Variants in AOAH observed in about 807,000 individuals in gnomAD.
AOAH encodes the protein acyloxyacyl hydrolase (neutrophil).
AOAH carries 64 observed loss-of-function variants against 92.2 expected under a neutral mutation model. The observed-to-expected ratio is 0.69, with a 90% CI of 0.57 to 0.86. The LOEUF (loss-of-function observed/expected upper bound fraction) is 0.86. Among genes scored for constraint, AOAH ranks in the 40% least tolerant of loss-of-function variants. AOAH has a pLI of 0.00. For missense variants in AOAH, 656 were observed against 694.6 expected (o/e 0.94, Z 0.62); for synonymous variants, 263 against 254.5 (o/e 1.03, Z -0.32).
chr7:36,688,482 CTAAA>C (rs1431321811), intron 1 of AOAH, among the ~76,000 whole-genome samples: 2 of 151,794 alleles, frequency 1.3e-5, no homozygotes, highest in African/African-American at 2.4e-5. Flanking sequence ...TATTAGAGAG[CTAAA>C]TAAATTTTAA....
chr7:36,641,612 AG>A (rs1343499985), intron 4 of AOAH, among the ~76,000 whole-genome samples: 3 of 152,144 alleles, frequency 2.0e-5, no homozygotes, highest in African/African-American at 7.2e-5. Context: ...TTCCTCCTGA[AG>A]CCTTCTCAGC....
rs182099541 is a variant in AOAH at position 36,580,850 on chromosome 7, A to T, written c.939-4194T>A. ...GGCTGTTCAGATTCCCCAGGGAAGG[A>T]TCTTCTAGTCTGCAGCCAGGAGAGT... On this transcript the variant is annotated intron_variant, in intron 12 of 20. Transcript: ENST00000617537. Among the ~76,000 whole-genome samples, 453 of 152,208 alleles carry T rather than the reference A, an allele frequency of 3.0e-3. 1 individual carries two copies. The highest frequency in any genetic ancestry group is 0.01 in the African/African-American group (431 of 41,530).
chr7:36,561,546 C>G (rs867682422), intron 13 of AOAH, among the ~76,000 whole-genome samples: 9 of 152,134 alleles, frequency 5.9e-5, no homozygotes, highest in African/African-American at 1.9e-4. Flanking sequence ...AGCCCCCATG[C>G]GCTGTGTTGA....
Position 36,616,453 on chromosome 7 carries a change from A to C in AOAH, c.773T>G (p.Ile258Ser). ...FCEGSQPRGI[I>S]LLGDSAGAHF... Reference sequence around the variant, plus strand: ...AGCCCCAGCTGAGTCTCCCAGCAAAATGATTCCCCTGGGCTGTGAACCTAG... The same window carrying C: ...AGCCCCAGCTGAGTCTCCCAGCAAACTGATTCCCCTGGGCTGTGAACCTAG... Residue 258 changes from isoleucine to serine, a missense_variant, in exon 11 of 21, where the codon ATT becomes AGT. Coordinates refer to ENST00000617537, the MANE Select transcript of AOAH (RefSeq NM_001637.4). 9.3e-6 allele frequency: 15 copies of C among 1,614,118 alleles called. No homozygotes were observed. The highest frequency in any genetic ancestry group is 1.3e-5 in the Non-Finnish European group (15 of 1,179,968).
intron 1 of AOAH, among the ~76,000 whole-genome samples, chr7:36,704,140 T>C (rs1337525600): frequency 1.3e-5 from 2 of 152,192 alleles, no homozygotes; most frequent in Non-Finnish European, 2.9e-5. Flanking sequence ...GTTGGCCGCA[T>C]AAATGTCTTC....
At chr7:36,556,015 C>T (rs1786677917) in intron 13 of AOAH, among the ~76,000 whole-genome samples, 1 of 151,956 alleles carries the variant, frequency 6.6e-6, no homozygotes, top group African/African-American at 2.4e-5. Flanking sequence ...TTATTTCTTG[C>T]CTTCTGCTAG....
intron 11 of AOAH, among the ~76,000 whole-genome samples, chr7:36,612,666 G>C (rs1791547115): frequency 6.6e-6 from 1 of 152,160 alleles, no homozygotes. Flanking sequence ...TTGCCTTTCA[G>C]AGAAGTTCTA....
rs1229774827 is a variant in AOAH, at chr7:36,714,507, T to A, written c.127+9515A>T. Among the ~76,000 whole-genome samples the A allele has an allele frequency of 3.9e-5, 6 of 152,264 alleles. No homozygotes were observed. In the East Asian group the frequency reaches 9.6e-4, roughly 24 times the overall value. Reference sequence around the variant, plus strand: ...CCAGCATCATCCTGATACCAAAGCCTGGCAGAGACACAACCAAAAAAGAGA... The same window carrying A: ...CCAGCATCATCCTGATACCAAAGCCAGGCAGAGACACAACCAAAAAAGAGA... On this transcript the variant is annotated intron_variant, in intron 1 of 20. Coordinates refer to ENST00000617537, the MANE Select transcript of AOAH (RefSeq NM_001637.4).
chr7:36,555,345 A>G (rs371153988), intron 13 of AOAH, among the ~76,000 whole-genome samples: 4 of 152,158 alleles, frequency 2.6e-5, no homozygotes, highest in African/African-American at 4.8e-5. Context: ...CCACTTGATC[A>G]TGGTGGATAA....
intron 15 of AOAH, 22 bp from the exon 16 acceptor site, chr7:36,540,513 A>G (rs1312964719): frequency 5.0e-6 from 8 of 1,596,198 alleles, no homozygotes; most frequent in Non-Finnish European, 6.8e-6. Context: ...ATAAACAGAA[A>G]ATATCTTGGT....
chr7:36,700,031 C>T (rs1009810917), intron 1 of AOAH, among the ~76,000 whole-genome samples: 3 of 151,928 alleles, frequency 2.0e-5, no homozygotes, highest in Admixed American at 6.6e-5. Flanking sequence ...CCAGTTTTCT[C>T]GTAACACATA....
intron 11 of AOAH, among the ~76,000 whole-genome samples, chr7:36,602,443 GTTT>G (rs535476519): frequency 7.9e-6 from 1 of 127,112 alleles, no homozygotes. Context: ...TCCTTCCATT[GTTT>G]TTTTTTTTTT....
intron 12 of AOAH, among the ~76,000 whole-genome samples, chr7:36,593,143 C>T (rs1056603444): frequency 1.3e-5 from 2 of 152,194 alleles, no homozygotes; most frequent in African/African-American, 4.8e-5. Context: ...AGTATATCTT[C>T]CTTGCATTAC....
Position 36,724,047 on chromosome 7 carries a change from G to T in AOAH, c.102C>A (p.Ser34Arg). 1 of 1,613,594 alleles carries T rather than the reference G, an allele frequency of 6.2e-7. No individual in the cohort carries two copies. The change falls in exon 1 of 21, where the codon AGC becomes AGA. Residue 34 changes from serine to arginine, a missense_variant. Coordinates refer to ENST00000617537, the MANE Select transcript of AOAH (RefSeq NM_001637.4). Reference protein sequence around the residue: ...SPANDDQSRPSLSNGHTCVGC... With the variant: ...SPANDDQSRPRLSNGHTCVGC... ...CTACACAGGTGTGCCCATTCGAGAG[G>T]CTGGGCCTGGACTGGTCATCGTTGG...
At chr7:36,543,947 C>CTTTCTTTTTTTTTTTTTTTTTTTTTTTTT (rs55745823) in intron 15 of AOAH, among the ~76,000 whole-genome samples, 4 of 91,008 alleles carry the variant, frequency 4.4e-5, no homozygotes, top group Non-Finnish European at 7.9e-5. Flanking sequence ...TTCTTTCTTT[C>CTTTCTTTTTTTTTTTTTTTTTTTTTTTTT]TTTTTTTTTT....
In AOAH at chr7:36,572,636, C is replaced by T. The variant is rs187629730; in HGVS notation, c.1021+3938G>A. ...AATTAGCGACACTGTGTCAGTGGTA[C>T]CCTGATGCTGGACATTTATGAAGCC... On this transcript the variant is annotated intron_variant, in intron 13 of 20. Coordinates refer to ENST00000617537, the MANE Select transcript of AOAH (RefSeq NM_001637.4). Among the ~76,000 whole-genome samples, 8 of 152,224 alleles carry T rather than the reference C, an allele frequency of 5.3e-5. No homozygotes were observed. The East Asian group carries it at 1.5e-3, about 29-fold the overall frequency.
intron 3 of AOAH, among the ~76,000 whole-genome samples, chr7:36,663,171 C>T (rs1237946942): frequency 6.6e-6 from 1 of 152,108 alleles, no homozygotes; most frequent in Non-Finnish European, 1.5e-5. Context: ...TTCTTTTGAG[C>T]AGTTTTAGGT....
At chr7:36,617,103 T>C (rs1791955769) in intron 10 of AOAH, among the ~76,000 whole-genome samples, 1 of 152,224 alleles carries the variant, frequency 6.6e-6, no homozygotes, top group Admixed American at 6.5e-5. Context: ...AAAGACTGAA[T>C]TGATGCCTCC....
chr7:36,646,256 G>A (rs141329641), intron 4 of AOAH, among the ~76,000 whole-genome samples: 288 of 152,252 alleles, frequency 1.9e-3, no homozygotes, highest in African/African-American at 6.6e-3. Context: ...TCCAAGACCC[G>A]GTGCTGAGTG....
Sources: gnomAD v4.1 joint callset for allele counts (sites outside exome capture counted in the v4.1 genomes callset) on GRCh38, gnomAD v4.1.1 for gene constraint, MANE v1.5 for transcripts, NCBI Gene and HGNC (gene_info 2026-07-23, HGNC 2026-07-21) for gene names.